Variants in PRKDC observed in about 807,000 individuals in gnomAD.
PRKDC encodes DNA-dependent protein kinase catalytic subunit.
Under a neutral mutation model 486.9 loss-of-function variants are expected in PRKDC, and 82 were observed. The ratio of observed to expected loss-of-function variants is 0.17; its 90% CI spans 0.14 to 0.20. The LOEUF is 0.20. Ranked by LOEUF, PRKDC falls within the 10% of genes least tolerant of loss-of-function variation. PRKDC has a pLI of 1.00. For missense variants in PRKDC, 4,504 were observed against 5,038.2 expected (o/e 0.89, Z 3.21); for synonymous variants, 1,895 against 1,837.0 (o/e 1.03, Z -0.81).
chr8:47,786,723 CTTTTT>C (rs5891257), intron 76 of PRKDC, among the ~76,000 whole-genome samples: 122 of 88,250 alleles, frequency 1.4e-3, no homozygotes, highest in African/African-American at 5.6e-3. Flanking sequence ...ATTATTTAAT[CTTTTT>C]TTTTTTTTTT....
rs8178060 is a variant in PRKDC, at chr8:47,912,405, C to G, written c.2934+5G>C. 0.01 allele frequency: 16,004 copies of G among 1,567,014 alleles called. 1,323 individuals are homozygous for G. In the African/African-American group the frequency reaches 0.19, roughly 18 times the overall value. The stretch of plus-strand genomic sequence containing the variant: ...TTACAACTATTTCAGATTCAAAGCC[C>G]TTACCTGATCAACATCACACGCAAG... On this transcript the variant is annotated splice_donor_5th_base_variant and intron_variant, in intron 25 of 85. Transcript: ENST00000314191.
In PRKDC at chr8:47,782,725, G is replaced by A. The variant is rs1208363859; in HGVS notation, c.11176-127C>T. ...TCTGAAGACAGTGCCAAAGAGCAGA[G>A]CGCCCAGGCCAGCAACGAATTTCTG... On this transcript the variant is annotated intron_variant, in intron 78 of 85. Transcript: ENST00000314191. This position sits in a 1 kb window ranked among gnomAD's most constrained non-coding sequence, Gnocchi z 4.9. 3 of 1,057,154 alleles carry A rather than the reference G, an allele frequency of 2.8e-6. No homozygotes were observed. The Admixed American group carries it at 7.2e-5, about 25-fold the overall frequency. The allele number at this position is 1,057,154 out of a possible 1,614,324, so 65.5% of individuals were successfully genotyped here. A position where few individuals can be genotyped will look rare whatever the true frequency, so the allele number is the denominator to read the frequency against.
chr8:47,892,628 G>A (rs573451503), intron 31 of PRKDC, among the ~76,000 whole-genome samples: 3 of 152,134 alleles, frequency 2.0e-5, no homozygotes, highest in Non-Finnish European at 2.9e-5. Context: ...TCTGCACCCA[G>A]CCAAGGAATC....
intron 9 of PRKDC, among the ~76,000 whole-genome samples, 177 bp from the exon 10 acceptor site, chr8:47,943,543 A>G (rs1248969015): frequency 6.6e-6 from 1 of 152,244 alleles, no homozygotes; most frequent in East Asian, 1.9e-4. Flanking sequence ...TAACAGGCCC[A>G]TAACTTGGCT....
At chr8:47,826,094 T>C (rs1022190280) in intron 63 of PRKDC, among the ~76,000 whole-genome samples, 2 of 152,336 alleles carry the variant, frequency 1.3e-5, no homozygotes, top group East Asian at 1.9e-4. Context: ...AAATCTGCAC[T>C]ACAAAATGAA....
intron 49 of PRKDC, among the ~76,000 whole-genome samples, chr8:47,856,062 T>A (rs1414349104): frequency 6.6e-6 from 1 of 152,226 alleles, no homozygotes; most frequent in East Asian, 1.9e-4. Context: ...GGACCCTTGT[T>A]AAACTGAACC....
intron 40 of PRKDC, among the ~76,000 whole-genome samples, chr8:47,869,771 C>T (rs1216580959): frequency 6.6e-6 from 1 of 152,052 alleles, no homozygotes. Context: ...CTTAGGATTT[C>T]TGGACCTGCC....
At position 47,820,729 on chromosome 8, in the gene PRKDC, C is replaced by T; in HGVS notation, c.9326G>A (p.Ser3109Asn). ...AKYYIQNGIQ[S>N]FMQNYSSIDV... ...AATATATAGTATTACCTGCATAAAA[C>T]TCTGAATGCCATTTTGAATGTAATA... The change falls in exon 66 of 86, where the codon AGT (serine) becomes AAT (asparagine). Residue 3109 changes from serine to asparagine, a missense_variant. Coordinates refer to ENST00000314191, the MANE Select transcript of PRKDC (RefSeq NM_006904.7). 6.5e-7 allele frequency: 1 copy of T among 1,540,686 alleles called. No individual in the cohort carries two copies.
intron 37 of PRKDC, 64 bp from the exon 38 acceptor site, chr8:47,881,584 T>C (rs2089218515): frequency 4.8e-6 from 4 of 838,892 alleles, no homozygotes; most frequent in Non-Finnish European, 1.8e-6. Context: ...CTTTAGCCCA[T>C]TGCTCAAATG....
intron 68 of PRKDC, among the ~76,000 whole-genome samples, chr8:47,808,975 G>T (rs1167547854): frequency 6.6e-6 from 1 of 151,844 alleles, no homozygotes; most frequent in Non-Finnish European, 1.5e-5. Context: ...AGTGAGCTAT[G>T]ACTGCACCAC....
chr8:47,858,313 G>C (rs180675339), intron 48 of PRKDC, among the ~76,000 whole-genome samples: 1 of 151,940 alleles, frequency 6.6e-6, no homozygotes, highest in East Asian at 1.9e-4. Flanking sequence ...TGTTAAAAAC[G>C]ATAAAAGAAT....
At chr8:47,906,927 C>T (rs1328743912) in intron 25 of PRKDC, among the ~76,000 whole-genome samples, 2 of 151,544 alleles carry the variant, frequency 1.3e-5, no homozygotes, top group African/African-American at 4.8e-5. Flanking sequence ...AATACCTTCA[C>T]TGGCCTCTAT....
intron 54 of PRKDC, 22 bp downstream of exon 54, chr8:47,849,132 A>G (rs762724677): frequency 2.5e-6 from 4 of 1,610,658 alleles, no homozygotes; most frequent in Admixed American, 3.4e-5. Flanking sequence ...GGGACCCAAG[A>G]GCAGGGCTAG....
chr8:47,779,762 G>A (rs2086667507), intron 80 of PRKDC, among the ~76,000 whole-genome samples: 2 of 151,774 alleles, frequency 1.3e-5, no homozygotes, highest in Non-Finnish European at 2.9e-5. Context: ...GCTAATTTCT[G>A]TATTTTTAGT....
chr8:47,861,713 T>C (rs2088680974), intron 44 of PRKDC, among the ~76,000 whole-genome samples: 1 of 152,232 alleles, frequency 6.6e-6, no homozygotes, highest in South Asian at 2.1e-4. Context: ...ACCCATGACT[T>C]TTCCATGATC....
intron 1 of PRKDC, among the ~76,000 whole-genome samples, chr8:47,958,725 G>A (rs1271687589): frequency 6.6e-6 from 1 of 150,492 alleles, no homozygotes; most frequent in East Asian, 1.9e-4. Flanking sequence ...TAGGATACAT[G>A]TATATAGCAT....
intron 45 of PRKDC, 54 bp from the exon 46 acceptor site, chr8:47,859,813 AT>A (rs1225846092): frequency 1.5e-5 from 22 of 1,478,580 alleles, no homozygotes; most frequent in Non-Finnish European, 1.9e-5. Flanking sequence ...TTAGTAAGAA[AT>A]GTATTTCTCT....
intron 80 of PRKDC, among the ~76,000 whole-genome samples, chr8:47,780,268 G>C (rs1466495878): frequency 6.6e-6 from 1 of 152,166 alleles, no homozygotes; most frequent in Non-Finnish European, 1.5e-5. Flanking sequence ...ACAATCCATA[G>C]TAAGTATGAG....
chr8:47,955,772 T>C lies in PRKDC; in HGVS notation c.399+102A>G. ...CACACATCAATGTGATTAGATCCTA[T>C]CCTTCCCCAAACACATCACCCAAAA... On this transcript the variant is annotated intron_variant, in intron 4 of 85. Coordinates refer to ENST00000314191, the MANE Select transcript of PRKDC (RefSeq NM_006904.7). 9.0e-6 allele frequency: 8 copies of C among 884,068 alleles called. No homozygotes were observed. The South Asian group carries it at 1.4e-4, about 15-fold the overall frequency. 54.8% of individuals were successfully genotyped at this position (884,068 alleles called of 1,614,324 possible). A position where few individuals can be genotyped will look rare whatever the true frequency, so the allele number is the denominator to read the frequency against.
Sources: gnomAD v4.1 joint callset for allele counts (sites outside exome capture counted in the v4.1 genomes callset) on GRCh38, gnomAD v4.1.1 for gene constraint, Gnocchi (gnomAD v3.1) non-coding constraint, MANE v1.5 for transcripts, NCBI Gene and HGNC (gene_info 2026-07-23, HGNC 2026-07-21) for gene names.